The following APC2 variants were observed in gnomAD, a reference collection of about 807,000 sequenced individuals.
APC2 encodes APC regulator of Wnt signaling pathway 2.
APC2 carries 41 observed loss-of-function variants against 72.5 expected under a neutral mutation model. The ratio of observed to expected loss-of-function variants is 0.57; its 90% confidence interval spans 0.44 to 0.73. APC2 has a LOEUF of 0.73. Among genes scored for constraint, APC2 ranks in the 30% least tolerant of loss-of-function variants. The pLI is 0.00. For missense variants in APC2, 3,729 were observed against 3,403.4 expected (o/e 1.10, Z -2.38); for synonymous variants, 1,898 against 1,612.0 (o/e 1.18, Z -4.25).
intron 13 of APC2, chr19:1,461,581 G>A (rs150181822): frequency 1.0e-4 from 32 of 309,500 alleles, no homozygotes; most frequent in African/African-American, 3.5e-4. Flanking sequence ...GGCCGGGCGC[G>A]GTGGCTCTTG....
At position 1,462,140 on chromosome 19, in the gene APC2, A is replaced by C. The variant is rs762060622; in HGVS notation, c.1816A>C (p.Asn606His). ...IIESGGGILR[N>H]VSSLVATRED... ...CGAGAGCGGCGGCGGCATCCTCCGC[A>C]ATGTGTCCAGCCTCGTCGCCACCCG... Residue 606 changes from asparagine to histidine, a missense_variant, in exon 14 of 15, where the codon AAT becomes CAT. By Grantham distance (68) the Asn-to-His change is moderately conservative (BLOSUM62 1). Coordinates refer to ENST00000590469, the MANE Select transcript of APC2 (RefSeq NM_005883.3). 2 of 1,611,878 alleles carry C rather than the reference A, an allele frequency of 1.2e-6. No homozygotes were observed. Among genetic ancestry groups the C allele is most frequent in the Non-Finnish European group, 1.7e-6 (2 of 1,179,860 alleles).
rs1448883982 is a variant in APC2 at position 1,471,596 on chromosome 19, C to CT, written c.*1384dup. The CT allele has an allele frequency of 4.6e-5, 7 of 152,232 alleles. No individual in the cohort carries two copies. Among genetic ancestry groups the CT allele is most frequent in the Non-Finnish European group, 8.8e-5 (6 of 68,046 alleles). The allele number at this position is 152,232 out of a possible 1,614,324, so 9.4% of individuals were successfully genotyped here. On this transcript the variant is annotated 3_prime_UTR_variant, in exon 15 of 15. Coordinates refer to ENST00000590469, the MANE Select transcript of APC2 (RefSeq NM_005883.3). ...GCAGAGGGAGCCGACGACCTCTTTTCTGCAGAAAAGCTCCAGCAGGCGCTG... is the reference window on the plus strand; with the variant it reads ...GCAGAGGGAGCCGACGACCTCTTTTCTTGCAGAAAAGCTCCAGCAGGCGCTG...
In APC2 at chr19:1,462,018, C is replaced by T. The variant is rs369964881; in HGVS notation, c.1694C>T (p.Thr565Ile). Residue 565 changes from threonine (T) to isoleucine (I), a missense_variant, in exon 14 of 15, where the codon ACA becomes ATA. Coordinates refer to ENST00000590469, the MANE Select transcript of APC2 (RefSeq NM_005883.3). ...SALWNLSAHS[T>I]ENKAAICQVD... The stretch of plus-strand genomic sequence containing the variant: ...CTGTGGAATCTGTCTGCACACAGCA[C>T]AGAGAACAAGGCGGCCATCTGCCAG... 2 of 1,613,014 alleles carry T rather than the reference C, an allele frequency of 1.2e-6. No individual in the cohort carries two copies. The highest frequency in any genetic ancestry group is 2.7e-5 in the African/African-American group (2 of 74,894).
At chr19:1,460,387 C>T in intron 11 of APC2, 67 bp downstream of exon 11, 1 of 1,600,176 alleles carries the variant, frequency 6.2e-7, no homozygotes, top group Non-Finnish European at 8.5e-7. Context: ...AGCCTCCTTC[C>T]AACTCATCCC....
Position 1,470,228 on chromosome 19 carries a change from C to T in APC2, c.*15C>T, listed in dbSNP as rs2084111957. 1 of 1,570,076 alleles carries T rather than the reference C, an allele frequency of 6.4e-7. No individual in the cohort carries two copies. The highest frequency in any genetic ancestry group is 1.8e-5 in the Admixed American group (1 of 55,604). On this transcript the variant is annotated 3_prime_UTR_variant, in exon 15 of 15. Coordinates refer to ENST00000590469, the MANE Select transcript of APC2 (RefSeq NM_005883.3). ...TCCTGGAATAGTGGCCTAGGCCGGC[C>T]TTCTGGAACGTTCTCTCCCGGCCCT...
Position 1,452,921 on chromosome 19 carries a change from C to A in APC2, c.-18-63C>A. The A allele has an allele frequency of 6.4e-7, 1 of 1,554,870 alleles. No homozygotes were observed. Among genetic ancestry groups the A allele is most frequent in the South Asian group, 1.2e-5 (1 of 82,312 alleles). ...GGGGCTTAGGTCAGGGGCCGTCTGT[C>A]CGGAAGGCATCACCGCGCCCTCCCC... On this transcript the variant is annotated intron_variant, in intron 1 of 14. Coordinates refer to ENST00000590469, the MANE Select transcript of APC2 (RefSeq NM_005883.3). The surrounding 1 kb of genome is among the most constrained non-coding windows in gnomAD (Gnocchi z 5.1).
chr19:1,469,644 G>A lies in APC2; in HGVS notation c.6343G>A (p.Val2115Ile), dbSNP rs1295793801. 4 of 1,234,512 alleles carry A rather than the reference G, an allele frequency of 3.2e-6. No individual in the cohort carries two copies. The highest frequency in any genetic ancestry group is 3.0e-5 in the South Asian group (1 of 33,704). 76.5% of individuals were successfully genotyped at this position (1,234,512 alleles called of 1,614,324 possible). A position where few individuals can be genotyped will look rare whatever the true frequency, so the allele number is the denominator to read the frequency against. Residue 2115 changes from valine to isoleucine, a missense_variant, in exon 15 of 15, where the codon GTC becomes ATC. Val to Ile is a conservative substitution (Grantham distance 29, BLOSUM62 3). Coordinates refer to ENST00000590469, the MANE Select transcript of APC2 (RefSeq NM_005883.3). ...ISVARRPDGA[V>I]PAAPASADAA... is the part of the protein sequence containing the mutation. ...CGTGGCCCGCAGGCCCGACGGCGCC[G>A]TCCCCGCGGCCCCTGCCTCAGCCGA...
chr19:1,473,010 G>GC lies in APC2; in HGVS notation c.*2801dup, dbSNP rs1312896170. The GC allele has an allele frequency of 1.3e-5, 2 of 152,322 alleles. No homozygotes were observed. The highest frequency in any genetic ancestry group is 4.8e-5 in the African/African-American group (2 of 41,434). 9.4% of individuals were successfully genotyped at this position (152,322 alleles called of 1,614,324 possible). A position where few individuals can be genotyped will look rare whatever the true frequency, so the allele number is the denominator to read the frequency against. On this transcript the variant is annotated 3_prime_UTR_variant, in exon 15 of 15. Transcript: ENST00000590469. Reference sequence around the variant, plus strand: ...AGCTCCGACAGCATTACCTCACCCGGCCCCATCTGTTGCCCCGGTCCAGCC... The same window carrying GC: ...AGCTCCGACAGCATTACCTCACCCGGCCCCCATCTGTTGCCCCGGTCCAGCC...
chr19:1,450,684 C>A (rs1379299419), intron 1 of APC2, among the ~76,000 whole-genome samples: 3 of 152,166 alleles, frequency 2.0e-5, no homozygotes, highest in Non-Finnish European at 4.4e-5. Flanking sequence ...GGAGAAAGGC[C>A]CCTTTGGGCC....
chr19:1,461,033 C>T lies in APC2; in HGVS notation c.1522-4C>T, dbSNP rs777628853. ...CCACCACACTTGCCCCTCACCCCAC[C>T]CAGGTGGTGTCCAGCATCCTTCGGA... On this transcript the variant is annotated splice_region_variant and splice_polypyrimidine_tract_variant and intron_variant, in intron 12 of 14. Transcript: ENST00000590469. 3 of 1,613,738 alleles carry T rather than the reference C, an allele frequency of 1.9e-6. No individual in the cohort carries two copies. The African/African-American group carries it at 4.0e-5, about 22-fold the overall frequency.
chr19:1,446,476 G>A, upstream of APC2: 1 of 608,558 alleles, frequency 1.6e-6, no homozygotes, highest in Non-Finnish European at 2.1e-6. This position sits in a 1 kb window ranked among gnomAD's most constrained non-coding sequence, Gnocchi z 6.1. Flanking sequence ...AGAGTCGGGG[G>A]TCTAGTGCCG....
intron 4 of APC2, 49 bp from the exon 5 acceptor site, chr19:1,455,098 AAC>A: frequency 1.6e-6 from 2 of 1,239,518 alleles, no homozygotes; most frequent in Admixed American, 2.8e-5. Context: ...TATCAAAATA[AAC>A]ACACACGGCG....
Position 1,470,778 on chromosome 19 carries a change from T to C in APC2, c.*565T>C, listed in dbSNP as rs2084121010. 1 of 151,710 alleles carries C rather than the reference T, an allele frequency of 6.6e-6. No homozygotes were observed. The highest frequency in any genetic ancestry group is 2.4e-5 in the African/African-American group (1 of 41,182). The allele number at this position is 151,710 out of a possible 1,614,324, so 9.4% of individuals were successfully genotyped here. A position where few individuals can be genotyped will look rare whatever the true frequency, so the allele number is the denominator to read the frequency against. ...GATTGTTTTCATTCTCAGCCCCAGC[T>C]GTGGGAGTGCGGGTGGGGGTGTGGC... On this transcript the variant is annotated 3_prime_UTR_variant, in exon 15 of 15. Transcript: ENST00000590469.
In APC2 at chr19:1,465,543, C is replaced by T. The variant is rs1246728727; in HGVS notation, c.2242C>T (p.Pro748Ser). 3 of 1,533,334 alleles carry T rather than the reference C, an allele frequency of 2.0e-6. No homozygotes were observed. Among genetic ancestry groups the T allele is most frequent in the South Asian group, 1.2e-5 (1 of 82,854 alleles). The allele number at this position is 1,533,334 out of a possible 1,614,324, so 95.0% of individuals were successfully genotyped here. A position where few individuals can be genotyped will look rare whatever the true frequency, so the allele number is the denominator to read the frequency against. Reference sequence around the variant, plus strand: ...GGAGCACCTGGAGAAGCAGGGCCCGCCGGCAGCCGAGGCCGCCACTAAGAA... The same window carrying T: ...GGAGCACCTGGAGAAGCAGGGCCCGTCGGCAGCCGAGGCCGCCACTAAGAA... ...ALEHLEKQGP[P>S]AAEAATKKPL... Residue 748 changes from proline (P) to serine (S), a missense_variant, in exon 15 of 15, where the codon CCG becomes TCG. Pro to Ser is a moderately conservative substitution (Grantham distance 74). Coordinates refer to ENST00000590469, the MANE Select transcript of APC2 (RefSeq NM_005883.3).
In APC2 at chr19:1,457,955, G is replaced by C. The variant is rs1292123349; in HGVS notation, c.1208-10G>C. ...GAATGGGGGCTCTGATCTGGTCCCTGTGCCCACAGCCCCGATCCCCATCGA... is the reference window on the plus strand; with the variant it reads ...GAATGGGGGCTCTGATCTGGTCCCTCTGCCCACAGCCCCGATCCCCATCGA... On this transcript the variant is annotated splice_polypyrimidine_tract_variant and intron_variant, in intron 9 of 14. Transcript: ENST00000590469. 6.5e-7 allele frequency: 1 copy of C among 1,548,782 alleles called. No individual in the cohort carries two copies. The highest frequency in any genetic ancestry group is 8.7e-7 in the Non-Finnish European group (1 of 1,147,392).
At position 1,467,015 on chromosome 19, in the gene APC2, G is replaced by A; in HGVS notation, c.3714G>A (p.Lys1238=). The change falls in exon 15 of 15, where the codon AAG becomes AAA. Residue 1238 remains lysine (K), a synonymous_variant. Coordinates refer to ENST00000590469, the MANE Select transcript of APC2 (RefSeq NM_005883.3). ...GCCTGCAGTGGGAGAGCTACGTGAA[G>A]CGCTTCCTGGACATCGCCGACTGCC... ...QFSLQWESYV[K]RFLDIADCRE... The A allele has an allele frequency of 6.2e-7, 1 of 1,610,706 alleles. No homozygotes were observed. Among genetic ancestry groups the A allele is most frequent in the Non-Finnish European group, 8.5e-7 (1 of 1,179,218 alleles).
intron 14 of APC2, 55 bp downstream of exon 14, chr19:1,462,232 G>C (rs1440425009): frequency 1.4e-6 from 2 of 1,443,952 alleles, no homozygotes; most frequent in Non-Finnish European, 1.8e-6. Context: ...GGCGGGCACA[G>C]GGCTGGGCTG....
chr19:1,447,857 G>T (rs186189967), upstream of APC2, among the ~76,000 whole-genome samples: 14 of 152,244 alleles, frequency 9.2e-5, no homozygotes, highest in Non-Finnish European at 1.5e-5. Flanking sequence ...CCTGGCCCAG[G>T]CCTCAGTTTC....
Position 1,468,430 on chromosome 19 carries a change from C to T in APC2, c.5129C>T (p.Ala1710Val), listed in dbSNP as rs1392486029. The T allele has an allele frequency of 1.3e-6, 2 of 1,591,954 alleles. No homozygotes were observed. The highest frequency in any genetic ancestry group is 1.3e-5 in the African/African-American group (1 of 74,586). Residue 1710 changes from alanine to valine, a missense_variant, in exon 15 of 15, where the codon GCC becomes GTC. Coordinates refer to ENST00000590469, the MANE Select transcript of APC2 (RefSeq NM_005883.3). ...LHQAAAATRE[A>V]SSESDSILSF... ...CAGGCAGCAGCTGCCACGCGGGAGG[C>T]CTCGTCCGAGTCCGACTCCATCCTG...
Sources: gnomAD v4.1 joint callset for allele counts (sites outside exome capture counted in the v4.1 genomes callset) on GRCh38, gnomAD v4.1.1 for gene constraint, Gnocchi (gnomAD v3.1) non-coding constraint, MANE v1.5 for transcripts, NCBI Gene and HGNC (gene_info 2026-07-23, HGNC 2026-07-21) for gene names.